The following FER variants were observed in gnomAD, a reference collection of about 807,000 sequenced individuals.
FER encodes the protein FER tyrosine kinase.
In FER, 63 loss-of-function variants were observed where a neutral mutation model predicts 111.0. The observed-to-expected ratio is 0.57, with a 90% CI of 0.46 to 0.70. The LOEUF (loss-of-function observed/expected upper bound fraction) is 0.70, where lower values mean the gene tolerates loss of function less well. Among genes scored for constraint, FER ranks in the 30% least tolerant of loss-of-function variants. FER has a pLI of 0.00. For missense variants in FER, 914 were observed against 954.0 expected (o/e 0.96, Z 0.55); for synonymous variants, 327 against 313.9 (o/e 1.04, Z -0.44).
At chr5:108,917,357 A>G (rs1752401490) in intron 10 of FER, among the ~76,000 whole-genome samples, 1 of 152,166 alleles carries the variant, frequency 6.6e-6, no homozygotes, top group Non-Finnish European at 1.5e-5. Flanking sequence ...AACACTTAAG[A>G]TAATTTGGTA....
At chr5:109,091,905 T>A (rs1430965469) in intron 16 of FER, among the ~76,000 whole-genome samples, 1 of 152,178 alleles carries the variant, frequency 6.6e-6, no homozygotes, top group Non-Finnish European at 1.5e-5. Flanking sequence ...TTAAGAAATT[T>A]ATTTATTAAG....
At chr5:109,065,581 G>C (rs1774991121) in intron 16 of FER, among the ~76,000 whole-genome samples, 1 of 152,174 alleles carries the variant, frequency 6.6e-6, no homozygotes. Context: ...AATCAGCTGA[G>C]CTTGGTGGCT....
At chr5:109,038,556 A>T (rs1158339754) in intron 14 of FER, among the ~76,000 whole-genome samples, 2 of 151,954 alleles carry the variant, frequency 1.3e-5, no homozygotes, top group Non-Finnish European at 2.9e-5. Flanking sequence ...TCGAATTGTT[A>T]TTGGAAAGCA....
At chr5:108,942,173 G>C (rs1756361009) in intron 10 of FER, among the ~76,000 whole-genome samples, 2 of 152,166 alleles carry the variant, frequency 1.3e-5, no homozygotes, top group African/African-American at 4.8e-5. Context: ...CTATTGAATA[G>C]GACGGGAGCT....
intron 5 of FER, among the ~76,000 whole-genome samples, chr5:108,839,899 T>A (rs1761088369): frequency 6.6e-6 from 1 of 152,100 alleles, no homozygotes; most frequent in Non-Finnish European, 1.5e-5. Flanking sequence ...TTTCTAAAAG[T>A]AGTTAATCAG....
At chr5:109,161,958 C>T (rs898621161) in intron 17 of FER, among the ~76,000 whole-genome samples, 1 of 152,148 alleles carries the variant, frequency 6.6e-6, no homozygotes, top group Admixed American at 6.6e-5. Context: ...GCCATTCCGA[C>T]TGGTGTGAGA....
At chr5:109,057,471 G>C (rs1231392079) in intron 16 of FER, among the ~76,000 whole-genome samples, 2 of 152,158 alleles carry the variant, frequency 1.3e-5, no homozygotes, top group South Asian at 4.1e-4. Context: ...GATAATGAAT[G>C]TTATGAATAA....
At chr5:108,975,799 A>G (rs979033384) in intron 13 of FER, among the ~76,000 whole-genome samples, 8 of 152,174 alleles carry the variant, frequency 5.3e-5, no homozygotes, top group African/African-American at 1.7e-4. Context: ...ATCTGTCAGA[A>G]TCACTAAGAC....
chr5:109,139,699 T>C (rs1753315929), intron 17 of FER, among the ~76,000 whole-genome samples: 1 of 152,102 alleles, frequency 6.6e-6, no homozygotes. Context: ...CCAGTTTTCT[T>C]CTGGATATGA....
At chr5:109,151,422 T>C (rs1012564350) in intron 17 of FER, among the ~76,000 whole-genome samples, 145 of 152,234 alleles carry the variant, frequency 9.5e-4, no homozygotes, top group African/African-American at 3.4e-3. Flanking sequence ...GTACAAAAGC[T>C]ACAGACATAC....
At chr5:108,989,929 G>A (rs1762976912) in intron 13 of FER, among the ~76,000 whole-genome samples, 1 of 151,848 alleles carries the variant, frequency 6.6e-6, no homozygotes, top group African/African-American at 2.4e-5. Flanking sequence ...GTTATTGTAA[G>A]CAGTCACATT....
At position 108,867,795 on chromosome 5, in the gene FER, A is replaced by C; in HGVS notation, c.510A>C (p.Arg170=). The part of the protein sequence containing the change: ...KGKETEKAKE[R]YDKATMKLHM... ...AGGAAACTGAAAAGGCCAAGGAACG[A>C]TACGACAAAGCCACAATGAAACTTC... Residue 170 remains arginine, a synonymous_variant, in exon 6 of 20, where the codon CGA becomes CGC. Transcript: ENST00000281092. 2 of 1,612,260 alleles carry C rather than the reference A, an allele frequency of 1.2e-6. No homozygotes were observed. The highest frequency in any genetic ancestry group is 1.7e-6 in the Non-Finnish European group (2 of 1,179,288).
chr5:108,959,210 T>C lies in FER; in HGVS notation c.1534-15T>C. The C allele has an allele frequency of 1.9e-6, 3 of 1,606,926 alleles. No homozygotes were observed. The highest frequency in any genetic ancestry group is 1.3e-5 in the African/African-American group (1 of 74,762). On this transcript the variant is annotated splice_polypyrimidine_tract_variant and intron_variant, in intron 12 of 19. Transcript: ENST00000281092. ...ATGTCTTCACATTTATTCTACCTTA[T>C]TGTTCTCTCTCCAGAACATGTATCG...
intron 17 of FER, 149 bp downstream of exon 17, chr5:109,100,668 GT>G: frequency 1.4e-6 from 1 of 733,794 alleles, no homozygotes; most frequent in Non-Finnish European, 2.1e-6. Flanking sequence ...TCTGCTAGTT[GT>G]TTATATAGTT....
At chr5:109,090,147 A>G (rs1439797268) in intron 16 of FER, among the ~76,000 whole-genome samples, 1 of 152,194 alleles carries the variant, frequency 6.6e-6, no homozygotes, top group Admixed American at 6.5e-5. Context: ...ACTGAGAACC[A>G]AGGAGAGCAG....
intron 13 of FER, among the ~76,000 whole-genome samples, chr5:108,976,266 C>T (rs1473804974): frequency 6.6e-6 from 1 of 152,182 alleles, no homozygotes; most frequent in East Asian, 1.9e-4. Context: ...ATCTACTTCT[C>T]TTTCCTTTAG....
At chr5:109,081,501 C>T (rs1420067057) in intron 16 of FER, among the ~76,000 whole-genome samples, 2 of 151,936 alleles carry the variant, frequency 1.3e-5, no homozygotes, top group Non-Finnish European at 2.9e-5. Flanking sequence ...CTAGTACAGA[C>T]TTAAATTCTA....
intron 10 of FER, among the ~76,000 whole-genome samples, chr5:108,926,896 A>G (rs1036888571): frequency 6.6e-6 from 1 of 152,128 alleles, no homozygotes; most frequent in Non-Finnish European, 1.5e-5. Context: ...CATAAAGTAC[A>G]TACTGATTCA....
At chr5:108,905,251 A>G (rs999000544) in intron 10 of FER, among the ~76,000 whole-genome samples, 6 of 152,098 alleles carry the variant, frequency 3.9e-5, no homozygotes, top group African/African-American at 4.8e-5. Context: ...TTTAACTGTT[A>G]TCTGTGTTCA....
Sources: gnomAD v4.1 joint callset for allele counts (sites outside exome capture counted in the v4.1 genomes callset) on GRCh38, gnomAD v4.1.1 for gene constraint, MANE v1.5 for transcripts, NCBI Gene and HGNC (gene_info 2026-07-23, HGNC 2026-07-21) for gene names.